GPR89B: variants seen among roughly 807,000 people sequenced by gnomAD.
GPR89B encodes G protein-coupled receptor 89B.
GPR89B carries 25 observed loss-of-function variants against 52.4 expected under a neutral mutation model. The ratio of observed to expected loss-of-function variants is 0.48; its 90% CI spans 0.35 to 0.67. GPR89B has a LOEUF of 0.67. Among genes scored for constraint, GPR89B ranks in the 30% least tolerant of loss-of-function variants. GPR89B has a pLI of 0.01. For missense variants in GPR89B, 146 were observed against 450.2 expected, an observed-to-expected ratio of 0.32 and a Z score of 6.11; for synonymous variants, 52 against 151.2, an observed-to-expected ratio of 0.34 and a Z score of 4.81.
At chr1:147,964,622 C>T (rs1423093451) in intron 7 of GPR89B, among the ~76,000 whole-genome samples, 1 of 151,800 alleles carries the variant, frequency 6.6e-6, no homozygotes, top group Non-Finnish European at 1.5e-5. Context: ...TTTTCATCTA[C>T]AACTTATTTG....
chr1:147,938,329 C>T (rs1654272252), intron 2 of GPR89B, among the ~76,000 whole-genome samples: 1 of 151,272 alleles, frequency 6.6e-6, no homozygotes, highest in South Asian at 2.1e-4. Context: ...ACTTTAAGAC[C>T]TCCCGAGGAA....
chr1:147,970,565 C>CTA (rs1314147480), intron 10 of GPR89B, among the ~76,000 whole-genome samples: 35 of 143,000 alleles, frequency 2.4e-4, no homozygotes, highest in African/African-American at 8.6e-4. Context: ...ATCTCTCTCT[C>CTA]TCTCTATATA....
the GPR89B span, among the ~76,000 whole-genome samples, chr1:148,015,769 C>A: frequency 6.7e-6 from 1 of 148,360 alleles, no homozygotes; most frequent in Non-Finnish European, 1.5e-5. Context: ...GCGTTTTCAG[C>A]CACTGGTGTA....
intron 10 of GPR89B, among the ~76,000 whole-genome samples, chr1:147,985,964 T>G (rs1320724617): frequency 6.6e-6 from 1 of 152,266 alleles, no homozygotes; most frequent in Non-Finnish European, 1.5e-5. Context: ...GTAGCTTTAT[T>G]CCCATTGACT....
At chr1:148,009,392 A>G in the GPR89B span, 1 of 1,612,012 alleles carries the variant, frequency 6.2e-7, no homozygotes, top group South Asian at 1.1e-5. Flanking sequence ...CCTTCACGAG[A>G]TAGCAGAGCC....
rs1329763128 is a variant in GPR89B at position 147,980,462 on chromosome 1, A to G, written c.910-5737A>G. Among the ~76,000 whole-genome samples the G allele has an allele frequency of 1.6e-4, 19 of 117,816 alleles. No individual in the cohort carries two copies. The East Asian group carries it at 4.0e-3, about 25-fold the overall frequency. The allele number at this position is 117,816 out of a possible 152,430, so 77.3% of individuals were successfully genotyped here. A position where few individuals can be genotyped will look rare whatever the true frequency, so the allele number is the denominator to read the frequency against. On this transcript the variant is annotated intron_variant, in intron 10 of 13. Transcript: ENST00000314163. ...TATTTTTATTGAAGTTGTCAAATTT[A>G]TTGGCATGATATTGCTCATAATATT...
intron 5 of GPR89B, among the ~76,000 whole-genome samples, chr1:147,950,591 G>A (rs1260203469): frequency 6.6e-6 from 1 of 152,230 alleles, no homozygotes; most frequent in Non-Finnish European, 1.5e-5. Flanking sequence ...CGGCTGGGAG[G>A]TGGAGGTTGT....
the GPR89B span, among the ~76,000 whole-genome samples, chr1:147,999,169 C>T: frequency 6.6e-6 from 1 of 151,266 alleles, no homozygotes; most frequent in Admixed American, 6.6e-5. Context: ...CAACAAACAG[C>T]TGCAGCAGCC....
At chr1:147,972,788 C>T (rs1200338384) in intron 10 of GPR89B, among the ~76,000 whole-genome samples, 4 of 147,870 alleles carry the variant, frequency 2.7e-5, no homozygotes, top group African/African-American at 5.3e-5. Flanking sequence ...CATCCATTAG[C>T]TATTTCCCTG....
intron 12 of GPR89B, 35 bp from the exon 13 acceptor site, chr1:147,992,467 G>A (rs2796929): frequency 5.0e-6 from 8 of 1,597,544 alleles, no homozygotes; most frequent in African/African-American, 4.1e-5. Context: ...GAATCTAACA[G>A]TACTGCATAA....
chr1:148,001,759 A>C, the GPR89B span, among the ~76,000 whole-genome samples: 8 of 150,844 alleles, frequency 5.3e-5, no homozygotes, highest in African/African-American at 1.5e-4. Flanking sequence ...TAACGAAAAT[A>C]ATCCTGTTAC....
rs1192010403 is a variant in GPR89B, at chr1:147,988,886, A to G, written c.1095+365A>G. 2.9e-4 allele frequency among the ~76,000 whole-genome samples: 42 copies of G among 144,258 alleles called. 1 individual carries two copies. Among genetic ancestry groups the G allele is most frequent in the African/African-American group, 1.0e-3 (40 of 39,054 alleles). The allele number at this position is 144,258 out of a possible 152,430, so 94.6% of individuals were successfully genotyped here. ...CAAAAAAAAAAAAATAGGTGGTACC[A>G]TGAGATAATTTTACCTCATTAAGAA... On this transcript the variant is annotated intron_variant, in intron 12 of 13. Transcript: ENST00000314163.
chr1:147,950,249 C>T (rs1324802271), intron 5 of GPR89B, among the ~76,000 whole-genome samples: 3 of 151,216 alleles, frequency 2.0e-5, no homozygotes, highest in Non-Finnish European at 3.0e-5. Context: ...TCCTCACCTC[C>T]CAGACAGGGT....
intron 10 of GPR89B, among the ~76,000 whole-genome samples, chr1:147,982,021 T>C (rs1418110169): frequency 6.6e-6 from 1 of 151,850 alleles, no homozygotes; most frequent in Non-Finnish European, 1.5e-5. Context: ...GTAGAATTGC[T>C]GTGTCATATG....
chr1:147,948,403 AGGG>A (rs1385161557), intron 5 of GPR89B, among the ~76,000 whole-genome samples: 2 of 150,878 alleles, frequency 1.3e-5, no homozygotes, highest in African/African-American at 4.9e-5. Flanking sequence ...GAACAAGTTG[AGGG>A]GAAAGATAAT....
chr1:148,012,457 T>C, the GPR89B span, among the ~76,000 whole-genome samples: 1 of 151,702 alleles, frequency 6.6e-6, no homozygotes, highest in South Asian at 2.1e-4. Flanking sequence ...TGTGAGCTGC[T>C]TCCTCCCTAT....
rs4950508 is a variant in GPR89B at position 147,940,175 on chromosome 1, G to A, written c.206+1358G>A. 7.6e-4 allele frequency among the ~76,000 whole-genome samples: 115 copies of A among 152,056 alleles called. No individual in the cohort carries two copies. In the South Asian group the frequency reaches 8.1e-3, roughly 11 times the overall value. ...TCCCAGCACTTTGGGAGGCCAAGGC[G>A]GGCGGATCACGAGGTCAGGAGATCA... On this transcript the variant is annotated intron_variant, in intron 3 of 13. Coordinates refer to ENST00000314163, the MANE Select transcript of GPR89B (RefSeq NM_016334.5).
At chr1:147,983,104 T>C (rs1258826923) in intron 10 of GPR89B, among the ~76,000 whole-genome samples, 1 of 152,160 alleles carries the variant, frequency 6.6e-6, no homozygotes, top group Non-Finnish European at 1.5e-5. Context: ...TAAATGGTGC[T>C]GGGAAAACTG....
chr1:147,999,848 C>G, the GPR89B span, among the ~76,000 whole-genome samples: 1 of 152,198 alleles, frequency 6.6e-6, no homozygotes, highest in East Asian at 1.9e-4. Flanking sequence ...CCAATTCAAC[C>G]CTCATAGCCA....
Sources: gnomAD v4.1 joint callset for allele counts (sites outside exome capture counted in the v4.1 genomes callset) on GRCh38, gnomAD v4.1.1 for gene constraint, MANE v1.5 for transcripts, NCBI Gene and HGNC (gene_info 2026-07-23, HGNC 2026-07-21) for gene names.